The following SHCBP1 variants were observed in gnomAD, a reference collection of about 807,000 sequenced individuals.
SHCBP1 encodes the protein SHC SH2 domain-binding protein 1.
SHCBP1 carries 60 observed loss-of-function variants against 75.1 expected under a neutral mutation model. That is an observed-to-expected ratio of 0.80 (90% CI 0.65 to 0.99). SHCBP1 has a LOEUF of 0.99. Ranked by LOEUF, SHCBP1 falls within the 50% of genes least tolerant of loss-of-function variation. SHCBP1 has a pLI of 0.00. For synonymous variants in SHCBP1, 290 were observed against 293.2 expected (o/e 0.99, Z 0.11); for missense variants, 709 against 809.4 (o/e 0.88, Z 1.50).
chr16:46,621,343 A>G lies in SHCBP1; in HGVS notation c.17T>C (p.Leu6Pro). MADGS[L>P]TGGGLEAAAM... ...CGCTGCCTCCAGACCGCCGCCCGTC[A>G]GCGACCCGTCAGCCATTTCAAATTT... Residue 6 changes from leucine (L) to proline (P), a missense_variant, in exon 1 of 13, where the codon CTG becomes CCG. Physicochemically the swap from Leu to Pro is moderately conservative, Grantham distance 98 (BLOSUM62 -3). Transcript: ENST00000303383. 1.9e-6 allele frequency: 3 copies of G among 1,611,318 alleles called. No individual in the cohort carries two copies. The highest frequency in any genetic ancestry group is 2.5e-6 in the Non-Finnish European group (3 of 1,179,108).
chr16:46,583,434 G>C (rs1282516015), intron 12 of SHCBP1, 82 bp downstream of exon 12: 13 of 1,418,324 alleles, frequency 9.2e-6, no homozygotes, highest in South Asian at 1.5e-5. Context: ...TTAAGGAAGA[G>C]AGGAAGACTC....
At chr16:46,609,557 T>G (rs1001624354) in intron 4 of SHCBP1, among the ~76,000 whole-genome samples, 2 of 148,730 alleles carry the variant, frequency 1.3e-5, no homozygotes, top group African/African-American at 4.9e-5. Context: ...GTTCGAGCAA[T>G]TCTCCTGCCT....
At chr16:46,606,498 G>A (rs1965328250) in intron 5 of SHCBP1, among the ~76,000 whole-genome samples, 1 of 152,172 alleles carries the variant, frequency 6.6e-6, no homozygotes, top group African/African-American at 2.4e-5. Context: ...GTCATTGCTT[G>A]TCGTTAGCAC....
chr16:46,620,177 G>C (rs1439020762), intron 1 of SHCBP1, among the ~76,000 whole-genome samples: 1 of 152,132 alleles, frequency 6.6e-6, no homozygotes, highest in Non-Finnish European at 1.5e-5. Context: ...TGTGTGGTGT[G>C]AACACTTATG....
chr16:46,584,600 A>G (rs1463997726), intron 10 of SHCBP1, among the ~76,000 whole-genome samples: 2 of 152,180 alleles, frequency 1.3e-5, no homozygotes, highest in Non-Finnish European at 1.5e-5. Flanking sequence ...AATCATTTCT[A>G]TGAGTCCAAC....
In SHCBP1 at chr16:46,604,525, A is replaced by C. The variant is rs910629411; in HGVS notation, c.690-64T>G. 6.4e-6 allele frequency: 7 copies of C among 1,094,592 alleles called. No homozygotes were observed. In the South Asian group the frequency reaches 8.3e-5, roughly 13 times the overall value. 67.8% of individuals were successfully genotyped at this position (1,094,592 alleles called of 1,614,324 possible). ...AGGCACATTTTCCTATCATTAAAAC[A>C]GCCCACTTAGCCCTCAAAGACCCAG... On this transcript the variant is annotated intron_variant, in intron 5 of 12. Coordinates refer to ENST00000303383, the MANE Select transcript of SHCBP1 (RefSeq NM_024745.5).
chr16:46,589,973 T>G (rs1365051681), intron 10 of SHCBP1, among the ~76,000 whole-genome samples: 19 of 150,432 alleles, frequency 1.3e-4, no homozygotes, highest in African/African-American at 2.5e-4. Context: ...AAAACAGAGA[T>G]ATAGACCAAT....
At chr16:46,584,227 C>G (rs1964919120) in intron 10 of SHCBP1, 138 bp from the exon 11 acceptor site, 1 of 525,704 alleles carries the variant, frequency 1.9e-6, no homozygotes, top group South Asian at 3.8e-5. Context: ...ATAAGTTTTA[C>G]CAGCCATTTT....
At chr16:46,596,867 A>G (rs1965151868) in intron 9 of SHCBP1, among the ~76,000 whole-genome samples, 1 of 151,202 alleles carries the variant, frequency 6.6e-6, no homozygotes, top group Non-Finnish European at 1.5e-5. Flanking sequence ...AGATGGCATC[A>G]TAGGCGTGTA....
intron 8 of SHCBP1, among the ~76,000 whole-genome samples, chr16:46,602,288 G>A (rs1965252225): frequency 6.6e-6 from 1 of 152,096 alleles, no homozygotes; most frequent in Non-Finnish European, 1.5e-5. Flanking sequence ...TCAAAAATTG[G>A]AGAGTAGAAA....
chr16:46,596,549 T>G (rs909639455), intron 9 of SHCBP1, among the ~76,000 whole-genome samples: 15 of 151,702 alleles, frequency 9.9e-5, no homozygotes, highest in Admixed American at 4.6e-4. Flanking sequence ...CCTGAGTAGC[T>G]GGGATTACAG....
chr16:46,618,425 C>T, intron 1 of SHCBP1, 53 bp from the exon 2 acceptor site: 1 of 1,492,356 alleles, frequency 6.7e-7, no homozygotes, highest in Non-Finnish European at 8.9e-7. Context: ...TTGAATGCTT[C>T]TATTTTCATA....
At chr16:46,599,668 G>A (rs1596678645) in intron 9 of SHCBP1, among the ~76,000 whole-genome samples, 163 bp downstream of exon 9, 1 of 810 alleles carries the variant, frequency 1.2e-3, no homozygotes, top group African/African-American at 2.4e-3. Context: ...CCTTCAATTT[G>A]TAAAAAAAAA....
rs1567455932 is a variant in SHCBP1, at chr16:46,618,303, CT to C, written c.172del (p.Ser58ValfsTer33). On this transcript the variant is annotated frameshift_variant, in exon 2 of 13. Transcript: ENST00000303383. LOFTEE classifies it high-confidence loss of function. ...YRDKPGSSLQ[S>X]FMPEGKTFFP... is the part of the protein sequence containing the mutation. Reference sequence around the variant, plus strand: ...AAAGGTTTTTCCTTCTGGCATAAAACTTTGTAAACTAGAACCTGGTTTATCA... The same window carrying C: ...AAAGGTTTTTCCTTCTGGCATAAAACTTGTAAACTAGAACCTGGTTTATCA... 8 of 1,613,390 alleles carry C rather than the reference CT, an allele frequency of 5.0e-6. No individual in the cohort carries two copies. The highest frequency in any genetic ancestry group is 5.9e-6 in the Non-Finnish European group (7 of 1,179,844).
intron 9 of SHCBP1, among the ~76,000 whole-genome samples, chr16:46,596,513 T>A (rs1965145485): frequency 6.6e-6 from 1 of 151,720 alleles, no homozygotes; most frequent in Admixed American, 6.6e-5. Context: ...GCCTCTTGGT[T>A]TCAAGTGATT....
chr16:46,602,733 C>T (rs1965260539), intron 8 of SHCBP1, among the ~76,000 whole-genome samples: 1 of 152,180 alleles, frequency 6.6e-6, no homozygotes, highest in African/African-American at 2.4e-5. Flanking sequence ...CAGGTTCAAG[C>T]GATTGTTCTG....
At position 46,583,660 on chromosome 16, in the gene SHCBP1, G is replaced by A. The variant is rs760573063; in HGVS notation, c.1552-3C>T. The A allele has an allele frequency of 5.6e-6, 9 of 1,597,518 alleles. No individual in the cohort carries two copies. The highest frequency in any genetic ancestry group is 7.6e-6 in the Non-Finnish European group (9 of 1,176,470). ...TCATAATGTTCATCTAAGAAGTCCT[G>A]TGACATTGAAAACAAATGTTTTAGG... On this transcript the variant is annotated splice_polypyrimidine_tract_variant and splice_region_variant and intron_variant, in intron 11 of 12. Coordinates refer to ENST00000303383, the MANE Select transcript of SHCBP1 (RefSeq NM_024745.5).
chr16:46,589,985 G>A (rs1313129588), intron 10 of SHCBP1, among the ~76,000 whole-genome samples: 1 of 152,090 alleles, frequency 6.6e-6, no homozygotes, highest in African/African-American at 2.4e-5. Flanking sequence ...TAGACCAATG[G>A]AACAGAACAG....
intron 9 of SHCBP1, among the ~76,000 whole-genome samples, chr16:46,598,294 T>C (rs973531741): frequency 9.2e-5 from 14 of 152,190 alleles, no homozygotes; most frequent in Admixed American, 6.5e-5. Flanking sequence ...CCTTAGGAAG[T>C]GTATTTCTCA....
Sources: gnomAD v4.1 joint callset for allele counts (sites outside exome capture counted in the v4.1 genomes callset) on GRCh38, gnomAD v4.1.1 for gene constraint, MANE v1.5 for transcripts, NCBI Gene and HGNC (gene_info 2026-07-23, HGNC 2026-07-21) for gene names.